Variants in GLMN observed in about 807,000 individuals in gnomAD.
The protein encoded by GLMN is glomulin, FKBP associated protein.
A neutral mutation model predicts 87.8 loss-of-function variants in GLMN; 75 were observed. That is an observed-to-expected ratio of 0.85 (90% CI 0.71 to 1.04). The LOEUF is 1.04. Ranked by LOEUF, GLMN falls within the 50% of genes least tolerant of loss-of-function variation. The pLI, the probability that GLMN is intolerant of heterozygous loss-of-function variation, is 0.00. For missense variants in GLMN, 588 were observed against 658.8 expected (o/e 0.89, Z 1.18); for synonymous variants, 206 against 221.6 (o/e 0.93, Z 0.63).
At chr1:92,288,552 C>T (rs561502127) in intron 6 of GLMN, among the ~76,000 whole-genome samples, 9 of 152,060 alleles carry the variant, frequency 5.9e-5, no homozygotes, top group Non-Finnish European at 1.0e-4. Flanking sequence ...CTCAGCTTCC[C>T]AAGCAGTAGC....
chr1:92,357,391 G>A, the GLMN span, among the ~76,000 whole-genome samples: 2 of 152,164 alleles, frequency 1.3e-5, no homozygotes, highest in African/African-American at 4.8e-5. Flanking sequence ...TGTTTGGGGG[G>A]CCATACAAAG....
chr1:92,304,055 T>C, the GLMN span: 4 of 1,611,444 alleles, frequency 2.5e-6, no homozygotes, highest in Non-Finnish European at 3.4e-6. Context: ...TTATCCTTTA[T>C]GTCAGAAGAA....
At chr1:92,344,545 A>G in the GLMN span, among the ~76,000 whole-genome samples, 2 of 152,222 alleles carry the variant, frequency 1.3e-5, no homozygotes, top group African/African-American at 4.8e-5. Context: ...TTACAAGCAA[A>G]GTTGCATTAA....
rs567709728 is a variant in GLMN at position 92,263,858 on chromosome 1, G to A, written c.1300-126C>T. ...AATACAGTTTTTAACTTTAATTTCC[G>A]TACTTTCATTCACTTTCCAGACACC... On this transcript the variant is annotated intron_variant, in intron 14 of 18. Transcript: ENST00000370360. The A allele has an allele frequency of 4.0e-5, 28 of 695,922 alleles. 1 individual carries two copies. Among genetic ancestry groups the A allele is most frequent in the African/African-American group, 1.1e-4 (6 of 56,496 alleles). The allele number at this position is 695,922 out of a possible 1,614,324, so 43.1% of individuals were successfully genotyped here. A position where few individuals can be genotyped will look rare whatever the true frequency, so the allele number is the denominator to read the frequency against.
At position 92,246,540 on chromosome 1, in the gene GLMN, C is replaced by G. The variant is rs1652687915; in HGVS notation, c.1775G>C (p.Gly592Ala). The G allele has an allele frequency of 7.5e-7, 1 of 1,327,206 alleles. No individual in the cohort carries two copies. The highest frequency in any genetic ancestry group is 1.1e-6 in the Non-Finnish European group (1 of 918,806). The allele number at this position is 1,327,206 out of a possible 1,614,324, so 82.2% of individuals were successfully genotyped here. A position where few individuals can be genotyped will look rare whatever the true frequency, so the allele number is the denominator to read the frequency against. The change falls in exon 19 of 19, where the codon GGG becomes GCG. Residue 592 changes from glycine (G) to alanine (A), a missense_variant. Transcript: ENST00000370360. ...TAGGAAATGGAACTTTCACTTTATC[C>G]CAATATTTTCTTCAGAGGTAGACTT... ...KTKSTSEENI[G>A]IK
chr1:92,351,855 T>C, the GLMN span, among the ~76,000 whole-genome samples: 3 of 152,312 alleles, frequency 2.0e-5, no homozygotes, highest in African/African-American at 4.8e-5. Flanking sequence ...AAATTTAATA[T>C]AAAAGCTTTG....
rs3103178 is a variant in GLMN at position 92,290,386 on chromosome 1, G to A, written c.286-80C>T. 445,862 of 834,802 alleles carry A rather than the reference G, an allele frequency of 0.53. 129,000 individuals are homozygous for A. The highest frequency in any genetic ancestry group is 0.96 in the East Asian group (39,206 of 40,734). 51.7% of individuals were successfully genotyped at this position (834,802 alleles called of 1,614,324 possible). On this transcript the variant is annotated intron_variant, in intron 4 of 18. Coordinates refer to ENST00000370360, the MANE Select transcript of GLMN (RefSeq NM_053274.3). ...ATTATTACTATTTTTAAGAAGGCAT[G>A]TATCGACAAAATATTATACAATTAT...
chr1:92,301,349 A>T (rs1650843528), upstream of GLMN: 2 of 387,410 alleles, frequency 5.2e-6, no homozygotes, highest in African/African-American at 2.1e-5. Flanking sequence ...ATTTTTATTC[A>T]AAAAATTTTT....
chr1:92,336,689 A>G, the GLMN span, among the ~76,000 whole-genome samples: 3 of 152,168 alleles, frequency 2.0e-5, no homozygotes, highest in African/African-American at 7.2e-5. Flanking sequence ...AATTATATCT[A>G]TGATGCAAAG....
At chr1:92,266,584 CT>C (rs1255187458) in intron 12 of GLMN, 92 bp from the exon 13 acceptor site, 4 of 1,018,294 alleles carry the variant, frequency 3.9e-6, no homozygotes, top group Non-Finnish European at 6.1e-6. Flanking sequence ...TACATCCACA[CT>C]TGTACCTCCT....
At chr1:92,294,416 A>G (rs1407822067) in intron 3 of GLMN, among the ~76,000 whole-genome samples, 1 of 152,166 alleles carries the variant, frequency 6.6e-6, no homozygotes, top group African/African-American at 2.4e-5. Flanking sequence ...GGATGCCTGA[A>G]ACCATGAATA....
intron 8 of GLMN, among the ~76,000 whole-genome samples, chr1:92,270,725 GGTCAAGGT>G (rs1482888864): frequency 1.3e-5 from 2 of 152,018 alleles, no homozygotes; most frequent in Non-Finnish European, 2.9e-5. Context: ...AAGAAGACAA[GGTCAAGGT>G]AATTATAATA....
the GLMN span, among the ~76,000 whole-genome samples, chr1:92,324,911 C>A: frequency 6.6e-6 from 1 of 152,176 alleles, no homozygotes; most frequent in Admixed American, 6.5e-5. Flanking sequence ...TAGATTTGAA[C>A]ATCTGTTGTG....
upstream of GLMN, chr1:92,301,523 GAA>G: frequency 6.3e-7 from 1 of 1,597,774 alleles, no homozygotes; most frequent in Non-Finnish European, 8.5e-7. Context: ...GAATTTGAGA[GAA>G]AAGCTCTACA....
At chr1:92,331,594 C>T in the GLMN span, among the ~76,000 whole-genome samples, 10 of 152,108 alleles carry the variant, frequency 6.6e-5, no homozygotes, top group African/African-American at 2.4e-4. Context: ...GGACAATTAG[C>T]ACCTTAGCAT....
At chr1:92,300,172 C>T, upstream of GLMN, 1 of 1,574,004 alleles carries the variant, frequency 6.4e-7, no homozygotes, top group Non-Finnish European at 8.7e-7. Flanking sequence ...TTATGTAGCA[C>T]ATGACTGTAT....
the GLMN span, among the ~76,000 whole-genome samples, chr1:92,350,722 T>C: frequency 1.3e-5 from 2 of 152,084 alleles, no homozygotes; most frequent in Non-Finnish European, 2.9e-5. Context: ...GGCGGATCAG[T>C]TGAAGTCAGG....
intron 3 of GLMN, among the ~76,000 whole-genome samples, chr1:92,292,409 CTTATTTATTTAT>C (rs1012055841): frequency 1.3e-5 from 2 of 151,646 alleles, no homozygotes; most frequent in Middle Eastern, 3.4e-3. Context: ...TAAATACATT[CTTATTTATTTAT>C]TTATTTTGAA....
At chr1:92,342,421 T>G in the GLMN span, among the ~76,000 whole-genome samples, 1 of 152,010 alleles carries the variant, frequency 6.6e-6, no homozygotes, top group Admixed American at 6.6e-5. Flanking sequence ...AAGTATGGGA[T>G]TGGGGTTGGG....
Sources: gnomAD v4.1 joint callset for allele counts (sites outside exome capture counted in the v4.1 genomes callset) on GRCh38, gnomAD v4.1.1 for gene constraint, MANE v1.5 for transcripts, NCBI Gene and HGNC (gene_info 2026-07-23, HGNC 2026-07-21) for gene names.